DNAJC10: variants seen among roughly 807,000 people sequenced by gnomAD.
DNAJC10 encodes DnaJ heat shock protein family (Hsp40) member C10, also known as endoplasmic reticulum disulfide reductase DNAJC10.
In DNAJC10, 101 loss-of-function variants were observed where a neutral mutation model predicts 115.0. The ratio of observed to expected loss-of-function variants is 0.88; its 90% CI spans 0.75 to 1.04. The LOEUF is 1.04. DNAJC10 is among the 50% of genes least tolerant of loss of function. The pLI, the probability that DNAJC10 is intolerant of heterozygous loss-of-function variation, is 0.00. For missense variants in DNAJC10, 981 were observed against 928.8 expected, an observed-to-expected ratio of 1.06 and a Z score of -0.73; for synonymous variants, 307 against 301.5, an observed-to-expected ratio of 1.02 and a Z score of -0.19.
At chr2:182,775,044 GTTTT>G (rs371204807) in intron 22 of DNAJC10, among the ~76,000 whole-genome samples, 10 of 139,924 alleles carry the variant, frequency 7.1e-5, no homozygotes, top group Middle Eastern at 3.8e-3. Flanking sequence ...CAGTTTCGAT[GTTTT>G]GAGGCTTTTG....
At chr2:182,776,878 TG>T (rs1694720601) in intron 23 of DNAJC10, among the ~76,000 whole-genome samples, 1 of 152,198 alleles carries the variant, frequency 6.6e-6, no homozygotes, top group South Asian at 2.1e-4. Flanking sequence ...ATACCCAATA[TG>T]CTTGAAATTA....
chr2:182,769,633 A>C (rs1023403263), intron 22 of DNAJC10, among the ~76,000 whole-genome samples: 8 of 152,066 alleles, frequency 5.3e-5, no homozygotes, highest in African/African-American at 1.9e-4. Context: ...TCTTTTGAGA[A>C]GTGTCTGTTC....
Position 182,759,306 on chromosome 2 carries a change from G to T in DNAJC10, c.2144G>T (p.Arg715Met), listed in dbSNP as rs747447827. ...GCTCCAGAATTTGAGCTCTTGGCTA[G>T]GGTAAGTCATACCTGTCTTAAATAA... ...NFAPEFELLA[R>M]MIKGKVKAGK... The change falls in exon 21 of 24, where the codon AGG becomes ATG. Residue 715 changes from arginine to methionine, a missense_variant and splice_region_variant. Transcript: ENST00000264065. 7 of 1,608,840 alleles carry T rather than the reference G, an allele frequency of 4.4e-6. No individual in the cohort carries two copies. Among genetic ancestry groups the T allele is most frequent in the Non-Finnish European group, 5.1e-6 (6 of 1,178,796 alleles).
At chr2:182,741,904 T>A (rs1035416445) in intron 13 of DNAJC10, among the ~76,000 whole-genome samples, 13 of 152,152 alleles carry the variant, frequency 8.5e-5, no homozygotes, top group African/African-American at 2.9e-4. Context: ...TGTCTGTGTT[T>A]TAATCAAAAT....
At chr2:182,768,348 T>C (rs1694470222) in intron 22 of DNAJC10, among the ~76,000 whole-genome samples, 1 of 152,154 alleles carries the variant, frequency 6.6e-6, no homozygotes, top group South Asian at 2.1e-4. Flanking sequence ...GAAGTATCAA[T>C]TTAATGAGCA....
chr2:182,739,843 A>G (rs1051761051), intron 11 of DNAJC10: 1 of 992,184 alleles, frequency 1.0e-6, no homozygotes, highest in African/African-American at 1.7e-5. Context: ...TGGTTGGGGA[A>G]TGAAGTGTCT....
At position 182,784,569 on chromosome 2, in the gene DNAJC10, C is replaced by T. The variant is rs6726219; in HGVS notation, c.*7437C>T. On this transcript the variant is annotated 3_prime_UTR_variant, in exon 24 of 24. Transcript: ENST00000264065. The stretch of plus-strand genomic sequence containing the variant: ...TGTGTTTAAAACTAATTTGCCAGAG[C>T]TCTACTGTGATAAGAATTTCTGACT... 151,944 of 152,310 alleles carry T rather than the reference C, an allele frequency of 1. 75,789 individuals carry two copies. The highest frequency in any genetic ancestry group is 1 in the Middle Eastern group (294 of 294). The allele number at this position is 152,310 out of a possible 1,614,324, so 9.4% of individuals were successfully genotyped here.
Position 182,720,184 on chromosome 2 carries a change from T to C in DNAJC10, c.367+15T>C, listed in dbSNP as rs778185472. On this transcript the variant is annotated intron_variant, in intron 4 of 23. Coordinates refer to ENST00000264065, the MANE Select transcript of DNAJC10 (RefSeq NM_018981.4). ...TTATGATTTTGGTAAGGTGATACGA[T>C]ATTACTTATGAAATGTGTTTTATCT... is the stretch of plus-strand genomic sequence containing the variant. The C allele has an allele frequency of 1.3e-5, 20 of 1,591,564 alleles. No homozygotes were observed. Among genetic ancestry groups the C allele is most frequent in the Non-Finnish European group, 2.6e-6 (3 of 1,169,344 alleles).
At chr2:182,720,253 A>G (rs906231313) in intron 4 of DNAJC10, 84 bp downstream of exon 4, 2 of 1,136,730 alleles carry the variant, frequency 1.8e-6, no homozygotes, top group African/African-American at 3.1e-5. Flanking sequence ...TAGCTTATAT[A>G]TTTAAGATGC....
At chr2:182,764,631 C>T (rs574164382) in intron 22 of DNAJC10, among the ~76,000 whole-genome samples, 11 of 152,218 alleles carry the variant, frequency 7.2e-5, no homozygotes, top group East Asian at 3.9e-4. Flanking sequence ...AGGATTGATT[C>T]TGCTCTATGT....
At chr2:182,718,420 C>G (rs1693056257) in intron 3 of DNAJC10, 130 bp downstream of exon 3, 1 of 799,546 alleles carries the variant, frequency 1.3e-6, no homozygotes, top group Non-Finnish European at 1.8e-6. Context: ...AACTTGTATG[C>G]TAGAAACAAA....
Position 182,793,820 on chromosome 2 carries a change from T to TCACACACACACACACACACACACA in DNAJC10, c.*16710_*16733dup, listed in dbSNP as rs4018698. ...TAAAATTTTCCAGAGAGGAAACACA[T>TCACACACACACACACACACACACA]CACACACACACACACACACACACAC... On this transcript the variant is annotated 3_prime_UTR_variant, in exon 24 of 24. Coordinates refer to ENST00000264065, the MANE Select transcript of DNAJC10 (RefSeq NM_018981.4). 4 of 135,636 alleles carry TCACACACACACACACACACACACA rather than the reference T, an allele frequency of 2.9e-5. No individual in the cohort carries two copies. The highest frequency in any genetic ancestry group is 1.2e-4 in the African/African-American group (4 of 34,424). The allele number at this position is 135,636 out of a possible 1,614,324, so 8.4% of individuals were successfully genotyped here.
Position 182,754,795 on chromosome 2 carries a change from A to G in DNAJC10, c.1552-208A>G, listed in dbSNP as rs1694115433. ...CTCATGGCGAATGGAGCAGCTATAA[A>G]TAAGGATCAGGTATTCATCAGTATT... On this transcript the variant is annotated intron_variant, in intron 16 of 23. Transcript: ENST00000264065. 5 of 1,314,520 alleles carry G rather than the reference A, an allele frequency of 3.8e-6. No individual in the cohort carries two copies. The South Asian group carries it at 7.8e-5, about 21-fold the overall frequency. The allele number at this position is 1,314,520 out of a possible 1,614,324, so 81.4% of individuals were successfully genotyped here.
chr2:182,759,308 G>GTAAGT lies in DNAJC10; in HGVS notation c.2145+2_2145+6dup. On this transcript the variant is annotated splice_donor_variant, in intron 21 of 23. Coordinates refer to ENST00000264065, the MANE Select transcript of DNAJC10 (RefSeq NM_018981.4). LOFTEE classifies it high-confidence loss of function. ...TCCAGAATTTGAGCTCTTGGCTAGG[G>GTAAGT]TAAGTCATACCTGTCTTAAATAAGT... 6.2e-7 allele frequency: 1 copy of GTAAGT among 1,608,742 alleles called. No homozygotes were observed. Among genetic ancestry groups the GTAAGT allele is most frequent in the Non-Finnish European group, 8.5e-7 (1 of 1,178,724 alleles).
intron 10 of DNAJC10, chr2:182,732,767 T>C (rs1407257729): frequency 5.7e-6 from 3 of 524,394 alleles, no homozygotes; most frequent in Non-Finnish European, 1.0e-5. Flanking sequence ...ACTTTGTAAG[T>C]ATTCTGTAAT....
chr2:182,750,224 A>G (rs890824057), intron 14 of DNAJC10, among the ~76,000 whole-genome samples: 8 of 152,174 alleles, frequency 5.3e-5, no homozygotes, highest in African/African-American at 1.4e-4. Context: ...GTACCGTTCA[A>G]TGTAAGTGGA....
At chr2:182,742,333 G>A (rs533380906) in intron 13 of DNAJC10, among the ~76,000 whole-genome samples, 1 of 152,244 alleles carries the variant, frequency 6.6e-6, no homozygotes, top group East Asian at 1.9e-4. Flanking sequence ...GGGACTACAG[G>A]CGCATGCCAC....
At chr2:182,748,795 T>C (rs9677291) in intron 14 of DNAJC10, among the ~76,000 whole-genome samples, 103,363 of 151,862 alleles carry the variant, frequency 0.68, 35,882 homozygotes, top group African/African-American at 0.8. Flanking sequence ...GGGCATTTAG[T>C]GCTATAAATT....
chr2:182,743,142 T>G (rs1022925760), intron 13 of DNAJC10, among the ~76,000 whole-genome samples: 6 of 152,200 alleles, frequency 3.9e-5, no homozygotes, highest in Admixed American at 2.6e-4. Flanking sequence ...CCAATGCGCC[T>G]GGCCCTTCTT....
Sources: allele counts gnomAD v4.1 joint callset (sites outside exome capture counted in the v4.1 genomes callset), GRCh38; gene constraint gnomAD v4.1.1; transcripts MANE v1.5; gene names NCBI Gene and HGNC (gene_info 2026-07-23, HGNC 2026-07-21).